Variants in SYNPR observed in about 807,000 individuals in gnomAD.
SYNPR encodes the protein synaptoporin.
A neutral mutation model predicts 32.9 loss-of-function variants in SYNPR; 23 were observed. The ratio of observed to expected loss-of-function variants is 0.70; its 90% CI spans 0.50 to 0.99. The LOEUF is 0.99. Ranked by LOEUF, SYNPR falls within the 50% of genes least tolerant of loss-of-function variation. The pLI is 0.00. For synonymous variants in SYNPR, 146 were observed against 135.9 expected (o/e 1.07, Z -0.52); for missense variants, 318 against 349.3 (o/e 0.91, Z 0.71).
chr3:63,379,937 G>A (rs1575616876), intron 2 of SYNPR, among the ~76,000 whole-genome samples: 1 of 152,048 alleles, frequency 6.6e-6, no homozygotes, highest in African/African-American at 2.4e-5. Flanking sequence ...AACTTGCGGT[G>A]TTTGGTTTTT....
At chr3:63,451,722 C>T (rs545620877) in intron 2 of SYNPR, among the ~76,000 whole-genome samples, 1 of 152,268 alleles carries the variant, frequency 6.6e-6, no homozygotes, top group East Asian at 1.9e-4. Flanking sequence ...ATAATTTTCT[C>T]CCCAAGTACA....
intron 2 of SYNPR, among the ~76,000 whole-genome samples, chr3:63,338,037 G>A (rs1270439572): frequency 1.3e-5 from 2 of 152,120 alleles, no homozygotes; most frequent in Admixed American, 1.3e-4. Flanking sequence ...GTACCAATAT[G>A]GGTTTATCAC....
chr3:63,544,235 T>C (rs1162368977), intron 3 of SYNPR, among the ~76,000 whole-genome samples: 1 of 152,104 alleles, frequency 6.6e-6, no homozygotes, highest in Non-Finnish European at 1.5e-5. Flanking sequence ...CGGGTGACAT[T>C]ATATGTGCTG....
At chr3:63,240,407 C>A (rs2086231898) in intron 1 of SYNPR, among the ~76,000 whole-genome samples, 1 of 152,062 alleles carries the variant, frequency 6.6e-6, no homozygotes, top group South Asian at 2.1e-4. Context: ...AATGTTACAG[C>A]ATTCCCTACA....
chr3:63,409,144 C>A (rs1028676919), intron 2 of SYNPR, among the ~76,000 whole-genome samples: 5 of 152,060 alleles, frequency 3.3e-5, no homozygotes, highest in Non-Finnish European at 5.9e-5. Context: ...TTCCTCAGGG[C>A]CTTCTATTTT....
At chr3:63,430,090 G>A (rs974824500) in intron 2 of SYNPR, among the ~76,000 whole-genome samples, 2 of 152,122 alleles carry the variant, frequency 1.3e-5, no homozygotes, top group African/African-American at 2.4e-5. Context: ...ATAGACAAGA[G>A]CTAGGTTGTT....
At chr3:63,352,586 G>C (rs548125456) in intron 2 of SYNPR, among the ~76,000 whole-genome samples, 2 of 152,290 alleles carry the variant, frequency 1.3e-5, no homozygotes, top group East Asian at 3.9e-4. Context: ...TGATGAACAA[G>C]ACCCAAATAT....
intron 2 of SYNPR, among the ~76,000 whole-genome samples, chr3:63,264,115 T>C (rs1048240398): frequency 6.6e-6 from 1 of 152,214 alleles, no homozygotes; most frequent in Non-Finnish European, 1.5e-5. Context: ...CCGGTGATTC[T>C]GCTGTTCTAT....
At chr3:63,368,417 G>C (rs945929435) in intron 2 of SYNPR, among the ~76,000 whole-genome samples, 1 of 152,192 alleles carries the variant, frequency 6.6e-6, no homozygotes, top group Non-Finnish European at 1.5e-5. Flanking sequence ...TTCCAGTTGA[G>C]AAAATTGAAG....
intron 2 of SYNPR, among the ~76,000 whole-genome samples, chr3:63,427,125 A>C (rs1167162664): frequency 1.3e-5 from 2 of 149,238 alleles, no homozygotes; most frequent in Non-Finnish European, 3.0e-5. Flanking sequence ...GAGTTATATA[A>C]AATGGCATGT....
intron 1 of SYNPR, among the ~76,000 whole-genome samples, chr3:63,229,795 T>C (rs1287365778): frequency 6.6e-6 from 1 of 151,198 alleles, no homozygotes; most frequent in Non-Finnish European, 1.5e-5. Context: ...CTAAGAACTA[T>C]TATGTTGGTT....
intron 4 of SYNPR, among the ~76,000 whole-genome samples, chr3:63,557,185 A>T (rs1033748991): frequency 6.6e-6 from 1 of 152,182 alleles, no homozygotes. Context: ...TGCCTCGTAC[A>T]ATGGTCCAAG....
intron 2 of SYNPR, among the ~76,000 whole-genome samples, chr3:63,254,136 G>A (rs929526644): frequency 6.6e-6 from 1 of 152,158 alleles, no homozygotes; most frequent in Admixed American, 6.5e-5. Flanking sequence ...CATGGACACA[G>A]GAAGGGGAAC....
chr3:63,485,637 A>G (rs1045827044), intron 3 of SYNPR, among the ~76,000 whole-genome samples: 13 of 152,290 alleles, frequency 8.5e-5, no homozygotes, highest in Non-Finnish European at 1.6e-4. Context: ...TAAGTCTTCA[A>G]AATATGATAT....
At chr3:63,562,573 G>T (rs1231679830) in intron 4 of SYNPR, among the ~76,000 whole-genome samples, 2 of 152,148 alleles carry the variant, frequency 1.3e-5, no homozygotes, top group African/African-American at 4.8e-5. Flanking sequence ...GGCTCACCTT[G>T]GTTTCATGAC....
chr3:63,274,382 A>G (rs1307907188), upstream of SYNPR, among the ~76,000 whole-genome samples: 1 of 149,140 alleles, frequency 6.7e-6, no homozygotes, highest in Non-Finnish European at 1.5e-5. Flanking sequence ...TTGTTACTTG[A>G]TTTTCATTTG....
chr3:63,381,571 T>G (rs1401337165), intron 2 of SYNPR, among the ~76,000 whole-genome samples: 1 of 152,226 alleles, frequency 6.6e-6, no homozygotes, highest in Non-Finnish European at 1.5e-5. Flanking sequence ...ATTCTTTTAC[T>G]TTCAACATGC....
At chr3:63,343,754 G>C (rs2087400895) in intron 2 of SYNPR, among the ~76,000 whole-genome samples, 1 of 152,208 alleles carries the variant, frequency 6.6e-6, no homozygotes, top group Non-Finnish European at 1.5e-5. Context: ...TCTTGAGAAG[G>C]CTTTGACCAT....
chr3:63,222,512 T>C, the SYNPR span, among the ~76,000 whole-genome samples: 1 of 151,968 alleles, frequency 6.6e-6, no homozygotes, highest in African/African-American at 2.4e-5. Context: ...AGACAACCAG[T>C]TTTTTGTTTG....
Sources: allele counts gnomAD v4.1 joint callset (sites outside exome capture counted in the v4.1 genomes callset), GRCh38; gene constraint gnomAD v4.1.1; transcripts MANE v1.5; gene names NCBI Gene and HGNC (gene_info 2026-07-23, HGNC 2026-07-21).